The following SV2B variants were observed in gnomAD, a reference collection of about 807,000 sequenced individuals.
SV2B encodes synaptic vesicle glycoprotein 2B, also known as solute carrier family 22 member B2.
SV2B carries 41 observed loss-of-function variants against 73.9 expected under a neutral mutation model. The ratio of observed to expected loss-of-function variants is 0.56; its 90% CI spans 0.43 to 0.72. SV2B has a LOEUF of 0.72. SV2B is among the 30% of genes least tolerant of loss of function. SV2B has a pLI of 0.00. For missense variants in SV2B, 764 were observed against 857.8 expected (o/e 0.89, Z 1.37); for synonymous variants, 314 against 314.2 (o/e 1.00, Z 0.01).
intron 1 of SV2B, among the ~76,000 whole-genome samples, chr15:91,212,446 C>G (rs2045900386): frequency 6.6e-6 from 1 of 152,128 alleles, no homozygotes; most frequent in Non-Finnish European, 1.5e-5. Flanking sequence ...GTCACTGGCC[C>G]CCATGTGAGT....
At chr15:91,225,385 C>T (rs547679929) in intron 1 of SV2B, among the ~76,000 whole-genome samples, 3 of 152,318 alleles carry the variant, frequency 2.0e-5, no homozygotes, top group Non-Finnish European at 2.9e-5. Context: ...GCGGCATTTT[C>T]GTAGCAGAAA....
intron 1 of SV2B, among the ~76,000 whole-genome samples, chr15:91,191,033 A>T (rs1490174307): frequency 8.8e-6 from 1 of 113,178 alleles, no homozygotes; most frequent in African/African-American, 3.0e-5. Flanking sequence ...TGATATTAAG[A>T]TGGTTACCCT....
At position 91,106,411 on chromosome 15, in the gene SV2B, T is replaced by C. The variant is rs2041884293; in HGVS notation, c.-392+6048T>C. 6.6e-6 allele frequency among the ~76,000 whole-genome samples: 1 copy of C among 152,216 alleles called. No individual in the cohort carries two copies. Among genetic ancestry groups the C allele is most frequent in the Non-Finnish European group, 1.5e-5 (1 of 68,036 alleles). On this transcript the variant is annotated intron_variant, in intron 1 of 12. Coordinates refer to ENST00000394232, the MANE Select transcript of SV2B (RefSeq NM_001323032.3). This position sits in a 1 kb window ranked among gnomAD's most constrained non-coding sequence, Gnocchi z 4.4. ...TGTCTGGCACATTGTATATCCTCAA[T>C]GGATATGTACTGAATGAGTGAATGG...
chr15:91,109,360 T>C (rs77618734), intron 1 of SV2B, among the ~76,000 whole-genome samples: 8,013 of 152,326 alleles, frequency 0.053, 240 homozygotes, highest in Middle Eastern at 0.12. Context: ...AGCTTGGTGC[T>C]GTTAAGTACT....
upstream of SV2B, among the ~76,000 whole-genome samples, chr15:91,099,750 G>C (rs1371115072): frequency 6.6e-6 from 1 of 152,216 alleles, no homozygotes; most frequent in Non-Finnish European, 1.5e-5. Context: ...ACAGCACCAT[G>C]ATCGACGATA....
At chr15:91,213,532 G>C (rs190847380) in intron 1 of SV2B, among the ~76,000 whole-genome samples, 1 of 151,978 alleles carries the variant, frequency 6.6e-6, no homozygotes, top group African/African-American at 2.4e-5. Context: ...AACTCAGAAC[G>C]TGCTACTTTC....
intron 6 of SV2B, 96 bp from the exon 7 acceptor site, chr15:91,266,486 T>C: frequency 4.2e-6 from 4 of 961,030 alleles, no homozygotes; most frequent in African/African-American, 1.6e-5. Flanking sequence ...ACTCCTCTAG[T>C]CCTAAATCAG....
rs2043243148 is a variant in SV2B, at chr15:91,149,438, A to G, written c.-392+49075A>G. ...GCTGGTGATTGATTCTAAGTCTCAG[A>G]TGTTTTGACCTGTAGGACTTTATCT... On this transcript the variant is annotated intron_variant, in intron 1 of 12. Coordinates refer to ENST00000394232, the MANE Select transcript of SV2B (RefSeq NM_001323032.3). Among the ~76,000 whole-genome samples the G allele has an allele frequency of 3.3e-5, 5 of 152,310 alleles. No homozygotes were observed. The South Asian group carries it at 1.0e-3, about 32-fold the overall frequency.
chr15:91,158,733 C>T (rs1464862760), intron 1 of SV2B, among the ~76,000 whole-genome samples: 10 of 53,594 alleles, frequency 1.9e-4, no homozygotes, highest in African/African-American at 4.1e-4. Flanking sequence ...CCTCTCTTCT[C>T]CTCTTTTTTC....
chr15:91,201,974 C>T (rs997888997), intron 1 of SV2B, among the ~76,000 whole-genome samples: 4 of 152,172 alleles, frequency 2.6e-5, no homozygotes, highest in African/African-American at 9.7e-5. Context: ...GAGCATGCCA[C>T]CTCTGTTCAG....
chr15:91,122,286 G>A lies in SV2B; in HGVS notation c.-392+21923G>A, dbSNP rs1388800047. ...CAGAGTCAGATTCAGAGAAGGAGTT[G>A]ATCAACGATATCCTCTCCCTCCTCC... On this transcript the variant is annotated intron_variant, in intron 1 of 12. Coordinates refer to ENST00000394232, the MANE Select transcript of SV2B (RefSeq NM_001323032.3). This position sits in a 1 kb window ranked among gnomAD's most constrained non-coding sequence, Gnocchi z 4.3. Among the ~76,000 whole-genome samples, 1 of 152,206 alleles carries A rather than the reference G, an allele frequency of 6.6e-6. No homozygotes were observed. The highest frequency in any genetic ancestry group is 1.5e-5 in the Non-Finnish European group (1 of 68,042).
At position 91,137,759 on chromosome 15, in the gene SV2B, T is replaced by C. The variant is rs1367151434; in HGVS notation, c.-392+37396T>C. Among the ~76,000 whole-genome samples, 1 of 151,778 alleles carries C rather than the reference T, an allele frequency of 6.6e-6. No individual in the cohort carries two copies. Among genetic ancestry groups the C allele is most frequent in the Non-Finnish European group, 1.5e-5 (1 of 67,962 alleles). ...ATTCATCGGAACACATCAAATATGT[T>C]TAACCTGTAGGTTTATAATGGTGCT... On this transcript the variant is annotated intron_variant, in intron 1 of 12. Transcript: ENST00000394232. This position sits in a 1 kb window ranked among gnomAD's most constrained non-coding sequence, Gnocchi z 4.9.
rs958187130 is a variant in SV2B, at chr15:91,121,585, A to T, written c.-392+21222A>T. On this transcript the variant is annotated intron_variant, in intron 1 of 12. Coordinates refer to ENST00000394232, the MANE Select transcript of SV2B (RefSeq NM_001323032.3). This position sits in a 1 kb window ranked among gnomAD's most constrained non-coding sequence, Gnocchi z 4.4. ...TGAAGGTAGACTTGACATGTGGGCA[A>T]ACCGAGCAGGGCACCCATTAGCTGG... Among the ~76,000 whole-genome samples, 1 of 151,788 alleles carries T rather than the reference A, an allele frequency of 6.6e-6. No individual in the cohort carries two copies. The highest frequency in any genetic ancestry group is 1.5e-5 in the Non-Finnish European group (1 of 67,974).
chr15:91,204,134 G>A (rs1364882930), intron 1 of SV2B, among the ~76,000 whole-genome samples: 1 of 152,146 alleles, frequency 6.6e-6, no homozygotes, highest in Non-Finnish European at 1.5e-5. Flanking sequence ...AGTTTACCCT[G>A]GCTCTGGTAG....
intron 11 of SV2B, among the ~76,000 whole-genome samples, chr15:91,287,355 G>A (rs2048893800): frequency 6.6e-6 from 1 of 152,170 alleles, no homozygotes; most frequent in African/African-American, 2.4e-5. Flanking sequence ...CTGGTGCCTG[G>A]TGGGGCACTC....
At chr15:91,207,635 CAA>C (rs1164736095) in intron 1 of SV2B, among the ~76,000 whole-genome samples, 1 of 152,138 alleles carries the variant, frequency 6.6e-6, no homozygotes, top group Non-Finnish European at 1.5e-5. Flanking sequence ...ACCCCATAAC[CAA>C]AGACAGAATA....
At chr15:91,145,226 G>A (rs1315417289) in intron 1 of SV2B, among the ~76,000 whole-genome samples, 1 of 152,132 alleles carries the variant, frequency 6.6e-6, no homozygotes, top group Admixed American at 6.5e-5. Flanking sequence ...TCACTTATAA[G>A]TGAGAATATG....
At chr15:91,271,789 C>T (rs575754154) in intron 9 of SV2B, among the ~76,000 whole-genome samples, 1 of 152,252 alleles carries the variant, frequency 6.6e-6, no homozygotes, top group Non-Finnish European at 1.5e-5. Flanking sequence ...AACAGCTCAT[C>T]TTTGAAAACC....
Position 91,284,211 on chromosome 15 carries a change from C to T in SV2B, c.1698C>T (p.Leu566=), listed in dbSNP as rs1033712029. ...SALLMDRIGR[L]KMIGGSMLIS... ...TGCTCATGGATAGAATTGGAAGGCT[C>T]AAGATGATTGGTGAGTTGCCAGCAG... is the stretch of plus-strand genomic sequence containing the variant. Residue 566 remains leucine (L), a synonymous_variant, in exon 11 of 13, where the codon CTC becomes CTT. Coordinates refer to ENST00000394232, the MANE Select transcript of SV2B (RefSeq NM_001323032.3). This position sits in a 1 kb window ranked among gnomAD's most constrained non-coding sequence, Gnocchi z 4.5. The T allele has an allele frequency of 6.2e-7, 1 of 1,614,110 alleles. No individual in the cohort carries two copies. Among genetic ancestry groups the T allele is most frequent in the Non-Finnish European group, 8.5e-7 (1 of 1,180,010 alleles).
Sources: gnomAD v4.1 joint callset for allele counts (sites outside exome capture counted in the v4.1 genomes callset) on GRCh38, gnomAD v4.1.1 for gene constraint, Gnocchi (gnomAD v3.1) non-coding constraint, MANE v1.5 for transcripts, NCBI Gene and HGNC (gene_info 2026-07-23, HGNC 2026-07-21) for gene names.